Variants in DRC11 observed in about 807,000 individuals in gnomAD.
The protein encoded by DRC11 is IQ and AAA domain-containing protein 1.
the DRC11 span, among the ~76,000 whole-genome samples, chr2:236,334,836 T>C: frequency 6.6e-6 from 1 of 151,932 alleles, no homozygotes; most frequent in Non-Finnish European, 1.5e-5. This position sits in a 1 kb window ranked among gnomAD's most constrained non-coding sequence, Gnocchi z 7.8. Context: ...TGGGTCTGGG[T>C]GGGCCTGTGA....
chr2:236,408,841 C>T, the DRC11 span: 5 of 657,566 alleles, frequency 7.6e-6, no homozygotes, highest in African/African-American at 9.0e-5. The surrounding 1 kb of genome is among the most constrained non-coding windows in gnomAD (Gnocchi z 5.5). Context: ...GGCAGTGTCT[C>T]CACAATAGTC....
chr2:236,333,734 A>G, the DRC11 span, among the ~76,000 whole-genome samples: 1 of 152,206 alleles, frequency 6.6e-6, no homozygotes, highest in African/African-American at 2.4e-5. The surrounding 1 kb of genome is among the most constrained non-coding windows in gnomAD (Gnocchi z 6.0). Flanking sequence ...AAGCCACAAC[A>G]GTCACAATCT....
chr2:236,374,659 G>A, the DRC11 span, among the ~76,000 whole-genome samples: 1 of 151,806 alleles, frequency 6.6e-6, no homozygotes, highest in Admixed American at 6.6e-5. Context: ...AGGGGGAGAT[G>A]CTACACACTT....
chr2:236,467,383 A>C, the DRC11 span, among the ~76,000 whole-genome samples: 1 of 152,224 alleles, frequency 6.6e-6, no homozygotes, highest in Non-Finnish European at 1.5e-5. Flanking sequence ...AAAAAAAATC[A>C]CTATGGTATG....
the DRC11 span, among the ~76,000 whole-genome samples, chr2:236,398,900 G>T: frequency 6.6e-6 from 1 of 152,096 alleles, no homozygotes; most frequent in African/African-American, 2.4e-5. This position sits in a 1 kb window ranked among gnomAD's most constrained non-coding sequence, Gnocchi z 6.2. Flanking sequence ...AAGTCTTAGG[G>T]GTTCAAAAAC....
At chr2:236,457,506 T>C in the DRC11 span, among the ~76,000 whole-genome samples, 3 of 152,338 alleles carry the variant, frequency 2.0e-5, no homozygotes, top group Middle Eastern at 3.4e-3. The surrounding 1 kb of genome is among the most constrained non-coding windows in gnomAD (Gnocchi z 4.7). Flanking sequence ...AGAGTTGTAG[T>C]AGACACTGAA....
the DRC11 span, among the ~76,000 whole-genome samples, chr2:236,325,806 T>C: frequency 6.6e-6 from 1 of 152,186 alleles, no homozygotes; most frequent in Non-Finnish European, 1.5e-5. This position sits in a 1 kb window ranked among gnomAD's most constrained non-coding sequence, Gnocchi z 4.4. Context: ...TTTCACCATG[T>C]TGGCCAGGCT....
chr2:236,491,142 GT>G, the DRC11 span, among the ~76,000 whole-genome samples: 1 of 39,362 alleles, frequency 2.5e-5, no homozygotes, highest in Non-Finnish European at 4.4e-5. Flanking sequence ...TATATATACA[GT>G]ATATATATAC....
the DRC11 span, among the ~76,000 whole-genome samples, chr2:236,430,749 A>G: frequency 6.6e-6 from 1 of 152,302 alleles, no homozygotes; most frequent in African/African-American, 2.4e-5. The surrounding 1 kb of genome is among the most constrained non-coding windows in gnomAD (Gnocchi z 6.0). Context: ...TAAACTTCCC[A>G]CCATGGGTTG....
chr2:236,350,274 T>A, the DRC11 span, among the ~76,000 whole-genome samples: 1 of 152,318 alleles, frequency 6.6e-6, no homozygotes, highest in East Asian at 1.9e-4. The surrounding 1 kb of genome is among the most constrained non-coding windows in gnomAD (Gnocchi z 5.2). Flanking sequence ...GGGAATTCCA[T>A]GCTTCCTGAA....
the DRC11 span, among the ~76,000 whole-genome samples, chr2:236,382,760 T>C: frequency 1.3e-5 from 2 of 152,204 alleles, no homozygotes; most frequent in African/African-American, 4.8e-5. Flanking sequence ...TATGTAGAAA[T>C]ATAATTGATT....
chr2:236,353,321 G>A, the DRC11 span, among the ~76,000 whole-genome samples: 3 of 152,290 alleles, frequency 2.0e-5, no homozygotes, highest in East Asian at 1.9e-4. The surrounding 1 kb of genome is among the most constrained non-coding windows in gnomAD (Gnocchi z 5.0). Context: ...TTTCCACCGT[G>A]TGCCTTTTCA....
chr2:236,403,938 G>C, the DRC11 span, among the ~76,000 whole-genome samples: 3 of 152,062 alleles, frequency 2.0e-5, no homozygotes, highest in Non-Finnish European at 4.4e-5. Flanking sequence ...CCCAGGTCCA[G>C]GGCTTCCCTG....
chr2:236,336,248 T>C, the DRC11 span, among the ~76,000 whole-genome samples: 1 of 152,192 alleles, frequency 6.6e-6, no homozygotes, highest in Non-Finnish European at 1.5e-5. This position sits in a 1 kb window ranked among gnomAD's most constrained non-coding sequence, Gnocchi z 7.3. Flanking sequence ...GTTTATAGCA[T>C]GCAGGGAGTA....
chr2:236,341,161 G>A, the DRC11 span, among the ~76,000 whole-genome samples: 1 of 152,232 alleles, frequency 6.6e-6, no homozygotes, highest in Non-Finnish European at 1.5e-5. Context: ...AACCGCCACA[G>A]CCAGCCCCAA....
the DRC11 span, among the ~76,000 whole-genome samples, chr2:236,354,424 G>T: frequency 1.3e-5 from 2 of 152,100 alleles, no homozygotes; most frequent in South Asian, 4.2e-4. Flanking sequence ...TGTTCAATGG[G>T]AAGGTGTTGG....
chr2:236,364,041 A>G, the DRC11 span: 4 of 1,442,954 alleles, frequency 2.8e-6, no homozygotes, highest in Non-Finnish European at 3.8e-6. Context: ...TTCTTCAACT[A>G]GGATAACTCA....
the DRC11 span, among the ~76,000 whole-genome samples, chr2:236,458,575 T>G: frequency 5.2e-3 from 794 of 152,236 alleles, 8 homozygotes; most frequent in African/African-American, 0.018. Flanking sequence ...GGGGCCCAAG[T>G]ATTTTATTGG....
At chr2:236,343,014 C>T in the DRC11 span, among the ~76,000 whole-genome samples, 1 of 152,146 alleles carries the variant, frequency 6.6e-6, no homozygotes, top group East Asian at 1.9e-4. The surrounding 1 kb of genome is among the most constrained non-coding windows in gnomAD (Gnocchi z 6.6). Context: ...TAGGCATGGG[C>T]AGGGTTTGCG....
Sources: gnomAD v4.1 joint callset for allele counts (sites outside exome capture counted in the v4.1 genomes callset) on GRCh38, gnomAD v4.1.1 for gene constraint, Gnocchi (gnomAD v3.1) non-coding constraint, MANE v1.5 for transcripts, NCBI Gene and HGNC (gene_info 2026-07-23, HGNC 2026-07-21) for gene names.